SP2: variants seen among roughly 807,000 people sequenced by gnomAD.
SP2 encodes the protein transcription factor Sp2.
Under a neutral mutation model 50.1 loss-of-function variants are expected in SP2, and 9 were observed. The ratio of observed to expected loss-of-function variants is 0.18; its 90% CI spans 0.11 to 0.31. The LOEUF is 0.31. SP2 is among the 10% of genes least tolerant of loss of function. SP2 has a pLI of 1.00. For missense variants in SP2, 581 were observed against 806.5 expected, an observed-to-expected ratio of 0.72 and a Z score of 3.39; for synonymous variants, 313 against 326.6, an observed-to-expected ratio of 0.96 and a Z score of 0.45.
intron 1 of SP2, 98 bp downstream of exon 1, chr17:47,896,391 C>T (rs1598086224): frequency 1.9e-6 from 2 of 1,064,136 alleles, no homozygotes; most frequent in East Asian, 6.5e-5. Flanking sequence ...CGGGGGTTCC[C>T]CCCTGGGGCT....
At chr17:47,921,050 A>G (rs1482690417) in intron 3 of SP2, among the ~76,000 whole-genome samples, 1 of 152,056 alleles carries the variant, frequency 6.6e-6, no homozygotes, top group Non-Finnish European at 1.5e-5. Flanking sequence ...TCCTTCACTT[A>G]GCATGTTTCA....
intron 3 of SP2, among the ~76,000 whole-genome samples, chr17:47,921,541 T>G (rs1232081369): frequency 6.6e-6 from 1 of 152,248 alleles, no homozygotes; most frequent in Non-Finnish European, 1.5e-5. Context: ...CGTGAACTAC[T>G]GCACCCAGCC....
chr17:47,901,514 A>G (rs1304769668), intron 1 of SP2, among the ~76,000 whole-genome samples: 1 of 152,128 alleles, frequency 6.6e-6, no homozygotes, highest in Non-Finnish European at 1.5e-5. Context: ...GCTGGAGTGC[A>G]GTGGTGCTAT....
rs563590563 is a variant in SP2, at chr17:47,928,097, C to T, written c.*273C>T. On this transcript the variant is annotated 3_prime_UTR_variant, in exon 7 of 7. Transcript: ENST00000376741. Reference sequence around the variant, plus strand: ...CAATGAGACGTTCTAAACCAGGACGCGTGGGAACCCTTATTTCCAAAGGAA... The same window carrying T: ...CAATGAGACGTTCTAAACCAGGACGTGTGGGAACCCTTATTTCCAAAGGAA... 12 of 378,352 alleles carry T rather than the reference C, an allele frequency of 3.2e-5. No homozygotes were observed. Among genetic ancestry groups the T allele is most frequent in the South Asian group, 9.6e-5 (2 of 20,922 alleles). 23.4% of individuals were successfully genotyped at this position (378,352 alleles called of 1,614,324 possible).
intron 6 of SP2, among the ~76,000 whole-genome samples, chr17:47,927,491 C>G (rs1036156326): frequency 6.9e-6 from 1 of 145,248 alleles, no homozygotes. Flanking sequence ...GAGATTGTGC[C>G]ACTGCACTCC....
intron 1 of SP2, among the ~76,000 whole-genome samples, chr17:47,902,027 G>A (rs1038297289): frequency 6.6e-6 from 1 of 152,070 alleles, no homozygotes; most frequent in Non-Finnish European, 1.5e-5. Context: ...GCAAAATGAG[G>A]ATAAGGTAAA....
chr17:47,921,992 C>T (rs2035477307), intron 3 of SP2, among the ~76,000 whole-genome samples: 1 of 152,198 alleles, frequency 6.6e-6, no homozygotes, highest in African/African-American at 2.4e-5. Flanking sequence ...ACATTTGAAT[C>T]TATATTTCTC....
At position 47,916,461 on chromosome 17, in the gene SP2, C is replaced by G; in HGVS notation, c.390C>G (p.Ile130Met). The G allele has an allele frequency of 6.2e-7, 1 of 1,614,154 alleles. No individual in the cohort carries two copies. The highest frequency in any genetic ancestry group is 8.5e-7 in the Non-Finnish European group (1 of 1,180,026). Reference sequence around the variant, plus strand: ...AAGGGACCCGATCAAATGCCAATATCCAGTACCAGGCGGTCCCTCAGATTC... The same window carrying G: ...AAGGGACCCGATCAAATGCCAATATGCAGTACCAGGCGGTCCCTCAGATTC... ...INKGTRSNAN[I>M]QYQAVPQIQA... The change falls in exon 3 of 7, where the codon ATC (isoleucine) becomes ATG (methionine). Residue 130 changes from isoleucine to methionine, a missense_variant. Around this residue, in one of 2 missense-constraint regions of SP2, gnomAD observed 397 missense variants for 491.0 expected, o/e 0.81. Transcript: ENST00000376741. The surrounding 1 kb of genome is among the most constrained non-coding windows in gnomAD (Gnocchi z 4.7).
chr17:47,901,341 TTCACTGTGTTGGCC>T (rs2034533668), intron 1 of SP2, among the ~76,000 whole-genome samples: 1 of 152,172 alleles, frequency 6.6e-6, no homozygotes, highest in Non-Finnish European at 1.5e-5. Flanking sequence ...GAGACGGGGT[TTCACTGTGTTGGCC>T]AGGATGGTCT....
chr17:47,913,981 G>C (rs955023892), intron 1 of SP2, among the ~76,000 whole-genome samples: 21 of 152,160 alleles, frequency 1.4e-4, no homozygotes, highest in African/African-American at 4.8e-4. Flanking sequence ...CATTCTCCTT[G>C]TTATATCCAG....
intron 1 of SP2, chr17:47,897,479 A>G (rs2034387377): frequency 6.6e-6 from 1 of 152,254 alleles, no homozygotes; most frequent in South Asian, 2.1e-4. Context: ...GCTTTAAACA[A>G]TGAATTGGCC....
At chr17:47,905,633 G>T (rs1197895870) in intron 1 of SP2, among the ~76,000 whole-genome samples, 2 of 152,196 alleles carry the variant, frequency 1.3e-5, no homozygotes, top group Non-Finnish European at 2.9e-5. Flanking sequence ...GGTGGCCAGG[G>T]CTCAGAGGTC....
chr17:47,913,695 A>G (rs2035079384), intron 1 of SP2, among the ~76,000 whole-genome samples: 1 of 152,146 alleles, frequency 6.6e-6, no homozygotes, highest in African/African-American at 2.4e-5. Context: ...TGCATGAGCT[A>G]CTGTACCTAG....
chr17:47,916,827 T>C lies in SP2; in HGVS notation c.756T>C (p.Leu252=). The C allele has an allele frequency of 1.2e-6, 2 of 1,614,132 alleles. No homozygotes were observed. The highest frequency in any genetic ancestry group is 1.7e-6 in the Non-Finnish European group (2 of 1,179,988). The change falls in exon 3 of 7, where the codon CTT becomes CTC. Residue 252 remains leucine (L), a synonymous_variant. Transcript: ENST00000376741. The surrounding 1 kb of genome is among the most constrained non-coding windows in gnomAD (Gnocchi z 4.7). The part of the protein sequence containing the change: ...KTNKKARKKS[L]PASQPPVAVA... ...ACAAGAAAGCAAGGAAGAAGAGCCT[T>C]CCTGCCTCCCAGCCCCCTGTGGCTG...
intron 6 of SP2, 66 bp downstream of exon 6, chr17:47,925,607 C>G (rs1038507929): frequency 7.6e-7 from 1 of 1,320,274 alleles, no homozygotes; most frequent in Non-Finnish European, 1.1e-6. Flanking sequence ...CTCCCACCCC[C>G]ACTCTACCGG....
At chr17:47,915,445 C>T (rs1055956249) in intron 2 of SP2, 57 bp downstream of exon 2, 18 of 1,090,140 alleles carry the variant, frequency 1.7e-5, no homozygotes, top group African/African-American at 6.4e-5. Context: ...ACAGACTCAC[C>T]GAAAACACTC....
chr17:47,925,952 T>C (rs1376290052), intron 6 of SP2, among the ~76,000 whole-genome samples: 1 of 137,302 alleles, frequency 7.3e-6, no homozygotes, highest in Non-Finnish European at 1.5e-5. Flanking sequence ...AGTTTCGTTC[T>C]TTTGCCCAGG....
chr17:47,906,199 G>A (rs886101211), intron 1 of SP2, among the ~76,000 whole-genome samples: 7 of 152,224 alleles, frequency 4.6e-5, no homozygotes, highest in African/African-American at 1.7e-4. Flanking sequence ...ATGGTGATGA[G>A]GATGGGGAGC....
chr17:47,899,719 A>G (rs1018218015), intron 1 of SP2: 2 of 152,258 alleles, frequency 1.3e-5, no homozygotes, highest in Non-Finnish European at 2.9e-5. Context: ...GTGTCTAGGA[A>G]GCGCTCTTTC....
Sources: gnomAD v4.1 joint callset for allele counts (sites outside exome capture counted in the v4.1 genomes callset) on GRCh38, gnomAD v4.1.1 for gene constraint, gnomAD v4.1.1 regional missense constraint, Gnocchi (gnomAD v3.1) non-coding constraint, MANE v1.5 for transcripts, NCBI Gene and HGNC (gene_info 2026-07-23, HGNC 2026-07-21) for gene names.